The following C11orf65 variants were observed in gnomAD, a reference collection of about 807,000 sequenced individuals.
The protein encoded by C11orf65 is protein MFI.
A neutral mutation model predicts 35.3 loss-of-function variants in C11orf65; 38 were observed. That is an observed-to-expected ratio of 1.08 (90% CI 0.83 to 1.41). The LOEUF (loss-of-function observed/expected upper bound fraction) is 1.41, where lower values mean the gene tolerates loss of function less well. C11orf65 is among the 40% of genes most tolerant of loss of function. C11orf65 has a pLI of 0.00. For missense variants in C11orf65, 370 were observed against 367.1 expected, an observed-to-expected ratio of 1.01 and a Z score of -0.06; for synonymous variants, 105 against 114.4, an observed-to-expected ratio of 0.92 and a Z score of 0.53.
intron 6 of C11orf65, chr11:108,325,271 T>TTTTTTTC: frequency 9.7e-7 from 1 of 1,032,894 alleles, no homozygotes. Context: ...TTTTTTTTCA[T>TTTTTTTC]TTCTCTTGCT....
chr11:108,420,925 T>C (rs975439613), intron 3 of C11orf65, among the ~76,000 whole-genome samples: 3 of 152,072 alleles, frequency 2.0e-5, no homozygotes, highest in South Asian at 2.1e-4. Context: ...AAAATTCCAA[T>C]AGACTTTAAA....
rs758099916 is a variant in C11orf65 at position 108,353,670 on chromosome 11, CAT to C, written c.227-18380_227-18379del. 6.4e-5 allele frequency: 61 copies of C among 957,408 alleles called. No homozygotes were observed. The Middle Eastern group carries it at 1.3e-3, about 20-fold the overall frequency. 59.3% of individuals were successfully genotyped at this position (957,408 alleles called of 1,614,324 possible). A position where few individuals can be genotyped will look rare whatever the true frequency, so the allele number is the denominator to read the frequency against. ...ACTAGTGTTCATAGAACGTAGGTAA[CAT>C]GTGGTTTCTTGCCTTTGTAAAGTTC... On this transcript the variant is annotated intron_variant, in intron 2 of 3. Coordinates refer to the C11orf65 transcript ENST00000524755.
intron 2 of C11orf65, among the ~76,000 whole-genome samples, chr11:108,451,864 C>T (rs1314215322): frequency 2.0e-5 from 3 of 152,074 alleles, no homozygotes; most frequent in Admixed American, 1.3e-4. Flanking sequence ...CATCTACAAC[C>T]ATCTGATCTT....
At chr11:108,440,348 G>C (rs2093131523) in intron 2 of C11orf65, among the ~76,000 whole-genome samples, 1 of 152,160 alleles carries the variant, frequency 6.6e-6, no homozygotes, top group African/African-American at 2.4e-5. Flanking sequence ...GTAGGGAATA[G>C]TAGGGAAGTC....
intron 6 of C11orf65, among the ~76,000 whole-genome samples, chr11:108,394,498 C>T (rs906407354): frequency 5.9e-5 from 9 of 152,184 alleles, no homozygotes; most frequent in Non-Finnish European, 8.8e-5. Flanking sequence ...TAAATTCAGC[C>T]TCCTTCTGCA....
chr11:108,393,575 C>T (rs1485086790), intron 6 of C11orf65, among the ~76,000 whole-genome samples, 197 bp from the exon 7 acceptor site: 1 of 152,096 alleles, frequency 6.6e-6, no homozygotes, highest in Non-Finnish European at 1.5e-5. Context: ...GCAACTTAAC[C>T]ACACTAACTT....
chr11:108,400,915 G>A (rs1450034094), intron 6 of C11orf65, among the ~76,000 whole-genome samples: 1 of 151,926 alleles, frequency 6.6e-6, no homozygotes, highest in Non-Finnish European at 1.5e-5. Flanking sequence ...GACCAGCCTG[G>A]CCAATATGTT....
At chr11:108,329,924 A>AT (rs1282410207), downstream of C11orf65, among the ~76,000 whole-genome samples, 1 of 152,236 alleles carries the variant, frequency 6.6e-6, no homozygotes, top group Non-Finnish European at 1.5e-5. Context: ...ATGTAATTAA[A>AT]TCCCTTTATT....
chr11:108,424,478 C>T (rs4615991), intron 3 of C11orf65, among the ~76,000 whole-genome samples: 42,724 of 151,794 alleles, frequency 0.28, 7,191 homozygotes, highest in Middle Eastern at 0.54. Flanking sequence ...TTGGAAAACA[C>T]TCTCCCAATA....
At chr11:108,428,362 G>A (rs527501332) in intron 3 of C11orf65, among the ~76,000 whole-genome samples, 2 of 152,248 alleles carry the variant, frequency 1.3e-5, no homozygotes, top group Admixed American at 6.5e-5. Context: ...ACATGCACAC[G>A]TATGTTTATT....
intron 6 of C11orf65, among the ~76,000 whole-genome samples, chr11:108,395,831 C>T (rs939665862): frequency 2.6e-5 from 4 of 151,138 alleles, no homozygotes; most frequent in African/African-American, 9.8e-5. Flanking sequence ...CCGTGTGAGC[C>T]CGGATGGTCT....
At chr11:108,351,757 A>T (rs575585770) in intron 2 of C11orf65, among the ~76,000 whole-genome samples, 13 of 152,320 alleles carry the variant, frequency 8.5e-5, no homozygotes, top group Middle Eastern at 3.4e-3. Context: ...TCACATAGTC[A>T]TGTCATAGGG....
intron 2 of C11orf65, among the ~76,000 whole-genome samples, chr11:108,450,042 T>C (rs1011014643): frequency 1.1e-4 from 17 of 152,008 alleles, no homozygotes; most frequent in Non-Finnish European, 2.1e-4. Context: ...ATGCTCATCA[T>C]CACTGGCTGT....
At chr11:108,392,209 G>A (rs1050231969) in intron 7 of C11orf65, among the ~76,000 whole-genome samples, 1 of 151,918 alleles carries the variant, frequency 6.6e-6, no homozygotes, top group Non-Finnish European at 1.5e-5. Flanking sequence ...AGCAGGCCTG[G>A]GATAATTATT....
rs1453304467 is a variant in C11orf65 at position 108,360,695 on chromosome 11, C to A, written c.227-25403G>T. 9.6e-4 allele frequency among the ~76,000 whole-genome samples: 140 copies of A among 145,584 alleles called. 1 individual carries two copies. The highest frequency in any genetic ancestry group is 1.6e-3 in the South Asian group (7 of 4,404). On this transcript the variant is annotated intron_variant, in intron 2 of 3. Coordinates refer to the C11orf65 transcript ENST00000524755. ...ATATAAACAGAACCAAAGACAAAAA[C>A]CACATGATTATCTCAATAGATGCAG...
chr11:108,395,682 G>A (rs1474020707), intron 6 of C11orf65, among the ~76,000 whole-genome samples: 9 of 139,778 alleles, frequency 6.4e-5, no homozygotes, highest in Admixed American at 4.4e-4. Context: ...GTGCAGTGGC[G>A]CCATCTCGGC....
intron 3 of C11orf65, among the ~76,000 whole-genome samples, chr11:108,419,298 G>C (rs185574693): frequency 6.6e-6 from 1 of 152,254 alleles, no homozygotes; most frequent in South Asian, 2.1e-4. Flanking sequence ...TTCTAGGAAC[G>C]CTAAGACGAT....
intron 3 of C11orf65, among the ~76,000 whole-genome samples, chr11:108,424,699 CA>C (rs1251504600): frequency 3.9e-5 from 6 of 152,188 alleles, no homozygotes; most frequent in Non-Finnish European, 8.8e-5. Context: ...CCCAAAGCAA[CA>C]AAAGATACAT....
chr11:108,388,331 T>G (rs1367274386), intron 7 of C11orf65, among the ~76,000 whole-genome samples: 2 of 152,190 alleles, frequency 1.3e-5, no homozygotes, highest in Non-Finnish European at 2.9e-5. Flanking sequence ...AAATCTAAGT[T>G]TTACAGACAT....
Sources: allele counts gnomAD v4.1 joint callset (sites outside exome capture counted in the v4.1 genomes callset), GRCh38; gene constraint gnomAD v4.1.1; transcripts MANE v1.5; gene names NCBI Gene and HGNC (gene_info 2026-07-23, HGNC 2026-07-21).